Variants in DYNC2H1 observed in about 807,000 individuals in gnomAD.
DYNC2H1 encodes the protein cytoplasmic dynein 2 heavy chain 1.
DYNC2H1 carries 410 observed loss-of-function variants against 570.0 expected under a neutral mutation model. That is an observed-to-expected ratio of 0.72 (90% CI 0.66 to 0.78). DYNC2H1 has a LOEUF of 0.78. DYNC2H1 is among the 30% of genes least tolerant of loss of function. The pLI, the probability that DYNC2H1 is intolerant of heterozygous loss-of-function variation, is 0.00. For synonymous variants in DYNC2H1, 1,688 were observed against 1,677.6 expected (o/e 1.01, Z -0.15); for missense variants, 4,865 against 5,046.4 (o/e 0.96, Z 1.09).
intron 84 of DYNC2H1, chr11:103,407,247 C>T (rs1232802651): frequency 6.6e-6 from 1 of 151,810 alleles, no homozygotes; most frequent in East Asian, 1.9e-4. Flanking sequence ...TTAATTAGTA[C>T]AGGAAGGAGA....
rs776317704 is a variant in DYNC2H1, at chr11:103,125,170, C to A, written c.1732C>A (p.Arg578Ser). The change falls in exon 12 of 89, where the codon CGT (arginine) becomes AGT (serine). Residue 578 changes from arginine to serine, a missense_variant. Transcript: ENST00000375735. ...ATTACTAAAAGTGCATTATTCAGAT[C>A]GTTTGGTGATTCTTCTGAGAGAAGT... The part of the protein sequence containing the change: ...DGLLKVHYSD[R>S]LVILLREVRQ... The A allele has an allele frequency of 2.5e-6, 4 of 1,613,562 alleles. No homozygotes were observed. The South Asian group carries it at 4.4e-5, about 18-fold the overall frequency.
At position 103,176,224 on chromosome 11, in the gene DYNC2H1, C is replaced by CT. The variant is rs759813466; in HGVS notation, c.5675-5dup. ...AATAATAAATAATTTTAAAATGAAA[C>CT]TTTTTTCTAGCTAATGAAAGTCATA... On this transcript the variant is annotated splice_polypyrimidine_tract_variant and intron_variant, in intron 36 of 88. Transcript: ENST00000375735. 4 of 1,456,232 alleles carry CT rather than the reference C, an allele frequency of 2.7e-6. No individual in the cohort carries two copies. Among genetic ancestry groups the CT allele is most frequent in the South Asian group, 1.6e-5 (1 of 64,262 alleles). The allele number at this position is 1,456,232 out of a possible 1,614,324, so 90.2% of individuals were successfully genotyped here. A position where few individuals can be genotyped will look rare whatever the true frequency, so the allele number is the denominator to read the frequency against.
intron 82 of DYNC2H1, among the ~76,000 whole-genome samples, chr11:103,329,260 C>A (rs1456470979): frequency 6.6e-6 from 1 of 151,482 alleles, no homozygotes; most frequent in Admixed American, 6.6e-5. Flanking sequence ...ATTCAGAAAA[C>A]AAGACAAGCA....
rs1257010264 is a variant in DYNC2H1, at chr11:103,137,177, G to T, written c.2574+1229G>T. ...AAAATTTTCTCCCATTTTGTAGGTTGCCTGTTCACTCTGATGGTAGTTTCT... is the reference window on the plus strand; with the variant it reads ...AAAATTTTCTCCCATTTTGTAGGTTTCCTGTTCACTCTGATGGTAGTTTCT... On this transcript the variant is annotated intron_variant, in intron 17 of 88. Transcript: ENST00000375735. Among the ~76,000 whole-genome samples the T allele has an allele frequency of 2.7e-5, 4 of 148,304 alleles. No individual in the cohort carries two copies. In the Admixed American group the frequency reaches 2.7e-4, roughly 10 times the overall value.
At chr11:103,282,810 C>A (rs1866193153) in intron 72 of DYNC2H1, among the ~76,000 whole-genome samples, 198 bp from the exon 73 acceptor site, 1 of 152,070 alleles carries the variant, frequency 6.6e-6, no homozygotes, top group Non-Finnish European at 1.5e-5. Flanking sequence ...AAAATGATTG[C>A]AACATTTTCC....
At chr11:103,238,127 G>T (rs1218595708) in intron 63 of DYNC2H1, among the ~76,000 whole-genome samples, 1 of 152,142 alleles carries the variant, frequency 6.6e-6, no homozygotes, top group East Asian at 1.9e-4. Flanking sequence ...TGATTGGATA[G>T]CACGTAATCT....
chr11:103,114,655 C>T (rs1858286837), intron 3 of DYNC2H1, among the ~76,000 whole-genome samples: 1 of 152,096 alleles, frequency 6.6e-6, no homozygotes, highest in South Asian at 2.1e-4. Flanking sequence ...AATATTGAAC[C>T]TTTGTTCCTA....
chr11:103,316,606 A>G lies in DYNC2H1; in HGVS notation c.11711A>G (p.Asp3904Gly). 3 of 1,542,132 alleles carry G rather than the reference A, an allele frequency of 1.9e-6. No homozygotes were observed. The highest frequency in any genetic ancestry group is 2.6e-6 in the Non-Finnish European group (3 of 1,146,018). Residue 3904 changes from aspartate to glycine, a missense_variant, in exon 80 of 89, where the codon GAC becomes GGC. This residue lies in a region of DYNC2H1 where 2,401 missense variants were observed against 2,454.6 expected (regional missense o/e 0.98). Transcript: ENST00000375735. The stretch of plus-strand genomic sequence containing the variant: ...CTTCGGGCTGGGTACAACATTATTG[A>G]CAGACTTTTTGATGGTAAGTTCTAA... Reference protein sequence around the residue: ...SDLRAGYNIIDRLFDGAKDVQ... With the variant: ...SDLRAGYNIIGRLFDGAKDVQ...
intron 17 of DYNC2H1, among the ~76,000 whole-genome samples, chr11:103,141,448 T>G (rs565196850): frequency 6.6e-6 from 1 of 152,336 alleles, no homozygotes; most frequent in South Asian, 2.1e-4. Context: ...GTAGGTCTGT[T>G]GGAGTTTGTT....
chr11:103,132,843 A>G (rs1483866734), intron 13 of DYNC2H1, among the ~76,000 whole-genome samples: 1 of 151,806 alleles, frequency 6.6e-6, no homozygotes. Context: ...GCTGGGGTGT[A>G]AGCTCAGCTT....
chr11:103,198,598 T>A (rs1389049869), intron 48 of DYNC2H1, among the ~76,000 whole-genome samples: 1 of 152,174 alleles, frequency 6.6e-6, no homozygotes, highest in Non-Finnish European at 1.5e-5. Context: ...AAAATTAATA[T>A]TTATATTGAA....
Position 103,256,001 on chromosome 11 carries a change from C to G in DYNC2H1, c.10327-105C>G, listed in dbSNP as rs1286289294. ...AAATGTTGAAATTCTTCTAAAATAA[C>G]ATAAGTTGCCATAAACATCAAATGA... On this transcript the variant is annotated intron_variant, in intron 67 of 88. Transcript: ENST00000375735. This position sits in a 1 kb window ranked among gnomAD's most constrained non-coding sequence, Gnocchi z 4.0. The G allele has an allele frequency of 1.0e-6, 1 of 977,914 alleles. No individual in the cohort carries two copies. The highest frequency in any genetic ancestry group is 3.4e-5 in the Admixed American group (1 of 29,698). 60.6% of individuals were successfully genotyped at this position (977,914 alleles called of 1,614,324 possible).
chr11:103,162,871 C>T (rs959515841), intron 29 of DYNC2H1, among the ~76,000 whole-genome samples, 157 bp from the exon 30 acceptor site: 1 of 152,080 alleles, frequency 6.6e-6, no homozygotes, highest in Admixed American at 6.6e-5. Context: ...TCCTATAACA[C>T]ATTTTAGGAG....
chr11:103,419,567 TA>T (rs34062997), intron 84 of DYNC2H1, among the ~76,000 whole-genome samples: 244 of 133,818 alleles, frequency 1.8e-3, no homozygotes, highest in East Asian at 0.011. Flanking sequence ...CCTGACTGGT[TA>T]AAAAAAAAAA....
rs1016849716 is a variant in DYNC2H1, at chr11:103,135,357, T to A, written c.2206-138T>A. On this transcript the variant is annotated intron_variant, in intron 15 of 88. Transcript: ENST00000375735. ...ACTTATACGGAGAGTAACAAGGATG[T>A]ACCAGTTTTACATATTTGAAATGAG... 5 of 672,318 alleles carry A rather than the reference T, an allele frequency of 7.4e-6. No homozygotes were observed. In the African/African-American group the frequency reaches 9.4e-5, roughly 13 times the overall value. The allele number at this position is 672,318 out of a possible 1,614,324, so 41.6% of individuals were successfully genotyped here. A position where few individuals can be genotyped will look rare whatever the true frequency, so the allele number is the denominator to read the frequency against.
At position 103,288,893 on chromosome 11, in the gene DYNC2H1, A is replaced by G. The variant is rs564223137; in HGVS notation, c.11095+1288A>G. Among the ~76,000 whole-genome samples the G allele has an allele frequency of 6.2e-4, 93 of 150,654 alleles. 3 individuals carry two copies. In the South Asian group the frequency reaches 0.015, roughly 25 times the overall value. ...AAGACTCAATCTCAAAAAAAAAAAA[A>G]AAAGAAAGAAAATTATGGTTTAGGG... On this transcript the variant is annotated intron_variant, in intron 75 of 88. Coordinates refer to ENST00000375735, the MANE Select transcript of DYNC2H1 (RefSeq NM_001377.3).
At chr11:103,250,418 G>T (rs184323331) in intron 65 of DYNC2H1, among the ~76,000 whole-genome samples, 321 of 152,142 alleles carry the variant, frequency 2.1e-3, no homozygotes, top group South Asian at 3.7e-3. Flanking sequence ...ATTGCATGAT[G>T]CTGTGTTTGG....
chr11:103,123,881 A>G (rs892214458), intron 11 of DYNC2H1, among the ~76,000 whole-genome samples: 1 of 151,362 alleles, frequency 6.6e-6, no homozygotes, highest in African/African-American at 2.4e-5. Context: ...GTGTTTTTGG[A>G]CATATTTTGG....
rs569412260 is a variant in DYNC2H1, at chr11:103,236,641, T to G, written c.9819+102T>G. The G allele has an allele frequency of 3.5e-5, 20 of 573,592 alleles. No individual in the cohort carries two copies. The Admixed American group carries it at 5.2e-4, about 15-fold the overall frequency. The allele number at this position is 573,592 out of a possible 1,614,324, so 35.5% of individuals were successfully genotyped here. On this transcript the variant is annotated intron_variant, in intron 63 of 88. Coordinates refer to ENST00000375735, the MANE Select transcript of DYNC2H1 (RefSeq NM_001377.3). ...TCTTAGTCTTTCACAGTTACCCTTTTCTTACTAAAATAAAAATATTTTGCT... is the reference window on the plus strand; with the variant it reads ...TCTTAGTCTTTCACAGTTACCCTTTGCTTACTAAAATAAAAATATTTTGCT...
Sources: gnomAD v4.1 joint callset for allele counts (sites outside exome capture counted in the v4.1 genomes callset) on GRCh38, gnomAD v4.1.1 for gene constraint, gnomAD v4.1.1 regional missense constraint, Gnocchi (gnomAD v3.1) non-coding constraint, MANE v1.5 for transcripts, NCBI Gene and HGNC (gene_info 2026-07-23, HGNC 2026-07-21) for gene names.